Variants in AOPEP observed in about 807,000 individuals in gnomAD.
AOPEP encodes aminopeptidase O (putative).
A neutral mutation model predicts 98.1 loss-of-function variants in AOPEP; 77 were observed. The ratio of observed to expected loss-of-function variants is 0.78; its 90% CI spans 0.65 to 0.95. The LOEUF is 0.95. Ranked by LOEUF, AOPEP falls within the 40% of genes least tolerant of loss-of-function variation. The pLI is 0.00. For missense variants in AOPEP, 1,024 were observed against 1,024.7 expected (o/e 1.00, Z 0.01); for synonymous variants, 346 against 365.3 (o/e 0.95, Z 0.60).
chr9:94,835,829 C>T (rs1031743862), intron 5 of AOPEP, among the ~76,000 whole-genome samples: 1 of 152,200 alleles, frequency 6.6e-6, no homozygotes, highest in East Asian at 1.9e-4. Flanking sequence ...GTGTCTCTTC[C>T]AGACCATGGT....
At chr9:95,084,584 G>A (rs1249781384) in intron 16 of AOPEP, among the ~76,000 whole-genome samples, 1 of 152,220 alleles carries the variant, frequency 6.6e-6, no homozygotes, top group Admixed American at 6.5e-5. Flanking sequence ...TACAAGGCCA[G>A]CTAGTCCTTT....
chr9:94,766,846 C>G, intron 2 of AOPEP, among the ~76,000 whole-genome samples: 2 of 152,032 alleles, frequency 1.3e-5, no homozygotes, highest in East Asian at 3.9e-4. Flanking sequence ...TTGTTTTAGA[C>G]AAGACTGGGA....
intron 1 of AOPEP, among the ~76,000 whole-genome samples, chr9:94,756,782 C>G (rs1588069237): frequency 6.6e-6 from 1 of 152,116 alleles, no homozygotes. Context: ...GGGCAGCACT[C>G]CTGACCACAG....
intron 6 of AOPEP, among the ~76,000 whole-genome samples, chr9:94,925,023 G>A (rs1254189903): frequency 1.3e-5 from 2 of 152,154 alleles, no homozygotes; most frequent in Non-Finnish European, 2.9e-5. Flanking sequence ...ACGGAGTCTA[G>A]CTCTGTCGCC....
chr9:94,911,279 G>A (rs548103939), intron 5 of AOPEP, among the ~76,000 whole-genome samples: 1 of 152,358 alleles, frequency 6.6e-6, no homozygotes, highest in South Asian at 2.1e-4. Flanking sequence ...CTCAGACAAT[G>A]TAGCTGTCAC....
intron 1 of AOPEP, among the ~76,000 whole-genome samples, chr9:94,741,870 G>C (rs138898699): frequency 1.3e-3 from 202 of 152,302 alleles, no homozygotes; most frequent in African/African-American, 4.8e-3. Flanking sequence ...TACCTTTAGA[G>C]AGCAGAGAAG....
intron 1 of AOPEP, among the ~76,000 whole-genome samples, chr9:94,730,188 G>A (rs532350095): frequency 6.6e-6 from 1 of 151,872 alleles, no homozygotes; most frequent in East Asian, 1.9e-4. Flanking sequence ...TGAGGCTGAG[G>A]CAGGAGAATG....
chr9:94,772,966 A>T (rs1259474755), intron 2 of AOPEP, 36 bp from the exon 3 acceptor site: 8 of 1,543,322 alleles, frequency 5.2e-6, no homozygotes, highest in African/African-American at 1.4e-5. Flanking sequence ...CATTTTAAAG[A>T]TTCACCCCCT....
At chr9:95,004,939 CCCGCCCGCGCCG>C (rs1202651972) in intron 11 of AOPEP, 2 of 145,804 alleles carry the variant, frequency 1.4e-5, no homozygotes, top group South Asian at 2.0e-4. Flanking sequence ...TGCCCGCCCG[CCCGCCCGCGCCG>C]CCGCCCAGGC....
At position 94,924,252 on chromosome 9, in the gene AOPEP, A is replaced by G. The variant is rs1376976905; in HGVS notation, c.1554+77A>G. The G allele has an allele frequency of 6.5e-6, 8 of 1,226,892 alleles. No homozygotes were observed. The East Asian group carries it at 1.9e-4, about 29-fold the overall frequency. 76.0% of individuals were successfully genotyped at this position (1,226,892 alleles called of 1,614,324 possible). A position where few individuals can be genotyped will look rare whatever the true frequency, so the allele number is the denominator to read the frequency against. On this transcript the variant is annotated intron_variant, in intron 6 of 16. Coordinates refer to ENST00000375315, the MANE Select transcript of AOPEP (RefSeq NM_001193329.3). Reference sequence around the variant, plus strand: ...CTGGTCATTTGCTCACCCAACAGCTATGGACTGAGGGCCTACTATGCACTA... The same window carrying G: ...CTGGTCATTTGCTCACCCAACAGCTGTGGACTGAGGGCCTACTATGCACTA...
chr9:94,764,041 A>C (rs1839005333), intron 2 of AOPEP, among the ~76,000 whole-genome samples: 1 of 152,246 alleles, frequency 6.6e-6, no homozygotes, highest in South Asian at 2.1e-4. Context: ...GAAAGGGAGA[A>C]AGAAGTAACT....
intron 7 of AOPEP, among the ~76,000 whole-genome samples, chr9:94,939,934 A>T (rs1292517097): frequency 6.6e-6 from 1 of 152,246 alleles, no homozygotes; most frequent in Non-Finnish European, 1.5e-5. Context: ...AGCATGGAGA[A>T]CCTGAGGATT....
chr9:94,813,985 G>A (rs1472164825), intron 5 of AOPEP, among the ~76,000 whole-genome samples: 3 of 152,230 alleles, frequency 2.0e-5, no homozygotes, highest in African/African-American at 7.2e-5. Context: ...ACTAAAGAGA[G>A]AGAGTCATGC....
chr9:95,031,831 G>A (rs2064333503), intron 13 of AOPEP, among the ~76,000 whole-genome samples: 1 of 152,158 alleles, frequency 6.6e-6, no homozygotes, highest in Non-Finnish European at 1.5e-5. Context: ...CTTGTCTTGT[G>A]ACTTGTCCCA....
At chr9:94,898,132 G>A (rs187504700) in intron 5 of AOPEP, among the ~76,000 whole-genome samples, 8 of 152,140 alleles carry the variant, frequency 5.3e-5, no homozygotes, top group East Asian at 1.9e-4. Context: ...GAGCCACTGT[G>A]CCCAGCCTAA....
At chr9:95,039,230 G>A (rs923679552) in intron 13 of AOPEP, among the ~76,000 whole-genome samples, 7 of 152,100 alleles carry the variant, frequency 4.6e-5, no homozygotes, top group Admixed American at 1.3e-4. Flanking sequence ...AAGTAGTATT[G>A]TGGGCATGAG....
chr9:94,920,259 G>A (rs2053427874), intron 5 of AOPEP: 1 of 152,846 alleles, frequency 6.5e-6, no homozygotes, highest in African/African-American at 2.4e-5. Flanking sequence ...GGAGGCTGAG[G>A]TTGTGGTGAG....
intron 1 of AOPEP, among the ~76,000 whole-genome samples, chr9:94,756,247 CAAA>C (rs75045703): frequency 3.9e-5 from 4 of 101,398 alleles, no homozygotes; most frequent in Non-Finnish European, 4.1e-5. Flanking sequence ...GACTCTGTCT[CAAA>C]AAAAAAAAAA....
intron 5 of AOPEP, among the ~76,000 whole-genome samples, chr9:94,905,596 C>G (rs940509877): frequency 6.6e-6 from 1 of 152,016 alleles, no homozygotes; most frequent in Admixed American, 6.6e-5. Context: ...TCAAATGTAC[C>G]TTCCTGTACA....
Sources: gnomAD v4.1 joint callset for allele counts (sites outside exome capture counted in the v4.1 genomes callset) on GRCh38, gnomAD v4.1.1 for gene constraint, MANE v1.5 for transcripts, NCBI Gene and HGNC (gene_info 2026-07-23, HGNC 2026-07-21) for gene names.